The following CHAF1A variants were observed in gnomAD, a reference collection of about 807,000 sequenced individuals.
CHAF1A encodes the protein CAF-1 subunit A.
A neutral mutation model predicts 93.2 loss-of-function variants in CHAF1A; 5 were observed. The ratio of observed to expected loss-of-function variants is 0.05; its 90% CI spans 0.03 to 0.11. The LOEUF (loss-of-function observed/expected upper bound fraction) is 0.11. CHAF1A is among the 10% of genes least tolerant of loss of function. The pLI, the probability that CHAF1A is intolerant of heterozygous loss-of-function variation, is 1.00. For synonymous variants in CHAF1A, 504 were observed against 510.3 expected, an observed-to-expected ratio of 0.99 and a Z score of 0.17; for missense variants, 1,102 against 1,259.9, an observed-to-expected ratio of 0.87 and a Z score of 1.90.
In CHAF1A at chr19:4,427,170, G is replaced by T. The variant is rs533649012; in HGVS notation, c.1378-1494G>T. 2.4e-4 allele frequency among the ~76,000 whole-genome samples: 13 copies of T among 54,054 alleles called. No homozygotes were observed. In the South Asian group the frequency reaches 8.6e-3, roughly 36 times the overall value. The allele number at this position is 54,054 out of a possible 152,430, so 35.5% of individuals were successfully genotyped here. A position where few individuals can be genotyped will look rare whatever the true frequency, so the allele number is the denominator to read the frequency against. On this transcript the variant is annotated intron_variant, in intron 7 of 14. Transcript: ENST00000301280. ...TTTTTTTTTTTTTTTTTTTTTTTGA[G>T]AAGGAGTCTTGCTCTGTTGCCCAGG...
intron 2 of CHAF1A, 131 bp from the exon 3 acceptor site, chr19:4,408,772 C>A: frequency 8.4e-7 from 1 of 1,184,438 alleles, no homozygotes; most frequent in Non-Finnish European, 1.2e-6. Context: ...CCACACCCGG[C>A]CCAGATAGTC....
intron 4 of CHAF1A, among the ~76,000 whole-genome samples, chr19:4,418,371 C>T (rs74799897): frequency 6.6e-6 from 1 of 151,522 alleles, no homozygotes; most frequent in East Asian, 1.9e-4. Context: ...TTCAAATTAC[C>T]TTCCAAAAAC....
At chr19:4,445,221 C>A, downstream of CHAF1A, 1 of 429,330 alleles carries the variant, frequency 2.3e-6, no homozygotes, top group South Asian at 2.3e-5. Flanking sequence ...TGTCCGGCAG[C>A]TTCATGACAC....
At chr19:4,427,399 C>T (rs1483475298) in intron 7 of CHAF1A, among the ~76,000 whole-genome samples, 1 of 144,368 alleles carries the variant, frequency 6.9e-6, no homozygotes, top group Non-Finnish European at 1.5e-5. Context: ...GTGGCACGAT[C>T]TCGGCTCACT....
chr19:4,409,906 T>G, intron 3 of CHAF1A, 147 bp downstream of exon 3: 1 of 868,346 alleles, frequency 1.2e-6, no homozygotes, highest in Non-Finnish European at 1.7e-6. Flanking sequence ...TTCTTCCTGG[T>G]ATCAAAACTC....
At chr19:4,429,819 C>T (rs763822105) in intron 10 of CHAF1A, 31 bp downstream of exon 10, 2 of 1,572,084 alleles carry the variant, frequency 1.3e-6, no homozygotes, top group Admixed American at 1.7e-5. Context: ...TCTTCACTCA[C>T]AGACGGCTTG....
At chr19:4,426,649 T>C (rs1974087013) in intron 7 of CHAF1A, among the ~76,000 whole-genome samples, 1 of 151,974 alleles carries the variant, frequency 6.6e-6, no homozygotes, top group African/African-American at 2.4e-5. Flanking sequence ...TAATTTTGTA[T>C]TTTTAGTAGA....
At chr19:4,413,902 T>C (rs184353733) in intron 3 of CHAF1A, among the ~76,000 whole-genome samples, 103 of 152,314 alleles carry the variant, frequency 6.8e-4, no homozygotes, top group African/African-American at 2.4e-3. Flanking sequence ...TAGAGTTTTC[T>C]ACCATGTGGG....
chr19:4,429,974 C>T (rs1974151874), intron 10 of CHAF1A, 186 bp downstream of exon 10: 2 of 581,902 alleles, frequency 3.4e-6, no homozygotes, highest in Non-Finnish European at 6.1e-6. Flanking sequence ...CGAAAAATCT[C>T]ATCTGGTGAC....
In CHAF1A at chr19:4,422,757, CAAG is replaced by C; in HGVS notation, c.1210_1212del (p.Lys404del). The C allele has an allele frequency of 6.2e-7, 1 of 1,613,040 alleles. No homozygotes were observed. The highest frequency in any genetic ancestry group is 8.5e-7 in the Non-Finnish European group (1 of 1,179,878). ...AGGAGAAGGCGGAGAAGCAGCGGCT[CAAG>C]GAGGAGCGGCGCAAGGAGAGACAGG... On this transcript the variant is annotated inframe_deletion, in exon 5 of 15. Coordinates refer to ENST00000301280, the MANE Select transcript of CHAF1A (RefSeq NM_005483.3). This position sits in a 1 kb window ranked among gnomAD's most constrained non-coding sequence, Gnocchi z 4.6.
intron 3 of CHAF1A, among the ~76,000 whole-genome samples, chr19:4,413,791 G>C (rs1370090060): frequency 6.6e-6 from 1 of 152,170 alleles, no homozygotes; most frequent in Non-Finnish European, 1.5e-5. Context: ...TAGTACTGCA[G>C]GATCTGGAGA....
At chr19:4,441,838 C>T (rs1206858250) in intron 13 of CHAF1A, among the ~76,000 whole-genome samples, 2 of 152,142 alleles carry the variant, frequency 1.3e-5, no homozygotes, top group Non-Finnish European at 2.9e-5. Flanking sequence ...GCGGAGCTTG[C>T]AGTGAGTCGA....
chr19:4,436,516 C>G (rs1194780478), intron 13 of CHAF1A, among the ~76,000 whole-genome samples: 1 of 152,232 alleles, frequency 6.6e-6, no homozygotes, highest in Non-Finnish European at 1.5e-5. Context: ...TGAGCAGTGC[C>G]TTTCCCTGGT....
rs375602649 is a variant in CHAF1A at position 4,433,308 on chromosome 19, C to G, written c.2442C>G (p.Phe814Leu). 1 of 1,614,080 alleles carries G rather than the reference C, an allele frequency of 6.2e-7. No homozygotes were observed. Among genetic ancestry groups the G allele is most frequent in the African/African-American group, 1.3e-5 (1 of 74,938 alleles). Residue 814 changes from phenylalanine (F) to leucine (L), a missense_variant, in exon 13 of 15, where the codon TTC (phenylalanine) becomes TTG (leucine). Around this residue, in one of 6 missense-constraint regions of CHAF1A, gnomAD observed 76 missense variants for 129.8 expected, o/e 0.59. Coordinates refer to ENST00000301280, the MANE Select transcript of CHAF1A (RefSeq NM_005483.3). This position sits in a 1 kb window ranked among gnomAD's most constrained non-coding sequence, Gnocchi z 5.6. Reference protein sequence around the residue: ...ENSVYEKRPDFRMCWYVHPQV... With the variant: ...ENSVYEKRPDLRMCWYVHPQV... ...CAGTGTATGAGAAGCGGCCTGACTTCAGGATGTGCTGGTACGTGCACCCGC... is the reference window on the plus strand; with the variant it reads ...CAGTGTATGAGAAGCGGCCTGACTTGAGGATGTGCTGGTACGTGCACCCGC...
Position 4,429,695 on chromosome 19 carries a change from T to G in CHAF1A, c.1774-13T>G. On this transcript the variant is annotated splice_polypyrimidine_tract_variant and intron_variant, in intron 9 of 14. Coordinates refer to ENST00000301280, the MANE Select transcript of CHAF1A (RefSeq NM_005483.3). ...CAAAGACAGTTGTGAGTCCCATGTG[T>G]TTCTTTTCTCAGAAGCTCCTGGACT... The G allele has an allele frequency of 6.2e-7, 1 of 1,614,094 alleles. No homozygotes were observed. Among genetic ancestry groups the G allele is most frequent in the Non-Finnish European group, 8.5e-7 (1 of 1,179,976 alleles).
intron 7 of CHAF1A, among the ~76,000 whole-genome samples, chr19:4,425,040 A>C (rs528220909): frequency 6.6e-6 from 1 of 151,950 alleles, no homozygotes; most frequent in East Asian, 1.9e-4. Context: ...CTCTCAAAGC[A>C]CTTGGATTAC....
At chr19:4,424,202 A>G (rs1440448237) in intron 7 of CHAF1A, among the ~76,000 whole-genome samples, 1 of 152,210 alleles carries the variant, frequency 6.6e-6, no homozygotes, top group East Asian at 1.9e-4. Context: ...GTTTAGCTGT[A>G]AAACAACAGT....
chr19:4,447,880 A>C, downstream of CHAF1A: 3 of 535,414 alleles, frequency 5.6e-6, no homozygotes, highest in Non-Finnish European at 6.8e-6. Flanking sequence ...GAAGGGCACA[A>C]TTAACCACAG....
intron 3 of CHAF1A, among the ~76,000 whole-genome samples, chr19:4,412,636 C>T (rs977655400): frequency 6.6e-6 from 1 of 152,194 alleles, no homozygotes; most frequent in South Asian, 2.1e-4. Flanking sequence ...GAAGTCCCCT[C>T]GTTGGGCATC....
Sources: gnomAD v4.1 joint callset for allele counts (sites outside exome capture counted in the v4.1 genomes callset) on GRCh38, gnomAD v4.1.1 for gene constraint, gnomAD v4.1.1 regional missense constraint, Gnocchi (gnomAD v3.1) non-coding constraint, MANE v1.5 for transcripts, NCBI Gene and HGNC (gene_info 2026-07-23, HGNC 2026-07-21) for gene names.